The following RALGDS variants were observed in gnomAD, a reference collection of about 807,000 sequenced individuals.
RALGDS encodes the protein ral guanine nucleotide exchange factor.
A neutral mutation model predicts 99.8 loss-of-function variants in RALGDS; 44 were observed. That is an observed-to-expected ratio of 0.44 (90% CI 0.35 to 0.57). RALGDS has a LOEUF of 0.57. RALGDS is among the 20% of genes least tolerant of loss of function. The pLI, the probability that RALGDS is intolerant of heterozygous loss-of-function variation, is 0.01. For synonymous variants in RALGDS, 529 were observed against 505.0 expected, an observed-to-expected ratio of 1.05 and a Z score of -0.64; for missense variants, 1,022 against 1,203.1, an observed-to-expected ratio of 0.85 and a Z score of 2.23.
At chr9:133,105,534 CAG>C (rs1321247162) in intron 9 of RALGDS, among the ~76,000 whole-genome samples, 2 of 151,926 alleles carry the variant, frequency 1.3e-5, no homozygotes, top group Non-Finnish European at 2.9e-5. Flanking sequence ...GTAGAGCAGA[CAG>C]AGGTAGCGTC....
rs1831193497 is a variant in RALGDS at position 133,108,679 on chromosome 9, G to A, written c.772C>T (p.Pro258Ser). 6 of 1,613,452 alleles carry A rather than the reference G, an allele frequency of 3.7e-6. No homozygotes were observed. Among genetic ancestry groups the A allele is most frequent in the Non-Finnish European group, 5.1e-6 (6 of 1,179,968 alleles). The change falls in exon 5 of 18, where the codon CCT (proline) becomes TCT (serine). Residue 258 changes from proline to serine, a missense_variant. This residue lies in a region of RALGDS where 825 missense variants were observed against 994.5 expected (regional missense o/e 0.83). Coordinates refer to ENST00000372050, the MANE Select transcript of RALGDS (RefSeq NM_006266.4). The stretch of plus-strand genomic sequence containing the variant: ...CCACCCCAGTCCTCCTCACCCTCAG[G>A]CTCTGCCTCAATGGGTTCCGAGTGC... ...LEHSEPIEAE[P>S]EALSPVPALK...
chr9:133,142,401 G>A (rs1345801028), intron 1 of RALGDS, among the ~76,000 whole-genome samples: 1 of 152,152 alleles, frequency 6.6e-6, no homozygotes, highest in East Asian at 1.9e-4. Context: ...CCATCGGAAA[G>A]CCCATCGGAA....
chr9:133,136,968 C>T (rs1832437433), intron 1 of RALGDS, among the ~76,000 whole-genome samples: 1 of 151,362 alleles, frequency 6.6e-6, no homozygotes, highest in African/African-American at 2.4e-5. Flanking sequence ...GGCGTGGTGG[C>T]TTACGCCTGT....
At chr9:133,125,606 C>T (rs924470442), upstream of RALGDS, among the ~76,000 whole-genome samples, 5 of 152,062 alleles carry the variant, frequency 3.3e-5, no homozygotes, top group African/African-American at 9.7e-5. Flanking sequence ...CATGGTGACG[C>T]GTGCCTGTAA....
rs201926824 is a variant in RALGDS at position 133,112,011 on chromosome 9, G to A, written c.294+31C>T. The A allele has an allele frequency of 4.7e-4, 706 of 1,492,672 alleles. 4 individuals are homozygous for A. In the African/African-American group the frequency reaches 8.5e-3, roughly 18 times the overall value. The allele number at this position is 1,492,672 out of a possible 1,614,324, so 92.5% of individuals were successfully genotyped here. On this transcript the variant is annotated intron_variant, in intron 2 of 17. Coordinates refer to ENST00000372050, the MANE Select transcript of RALGDS (RefSeq NM_006266.4). ...AGTCCTGGGAGGGATCCCCAGCTGC[G>A]TCTCCCAGTGGAGACCCCGAGCGCA...
intron 1 of RALGDS, among the ~76,000 whole-genome samples, chr9:133,146,810 A>G (rs1355416405): frequency 6.6e-6 from 1 of 152,186 alleles, no homozygotes; most frequent in East Asian, 1.9e-4. Flanking sequence ...AGAGACCCAC[A>G]TGGCAGTGAA....
chr9:133,121,356 G>T, upstream of RALGDS: 2 of 425,790 alleles, frequency 4.7e-6, no homozygotes, highest in Non-Finnish European at 6.3e-6. Context: ...GCGTGCGCGC[G>T]CCCGCGGCCC....
chr9:133,125,832 G>A (rs753038906), upstream of RALGDS, among the ~76,000 whole-genome samples: 1 of 152,070 alleles, frequency 6.6e-6, no homozygotes, highest in Non-Finnish European at 1.5e-5. Context: ...TTCTGACCCC[G>A]GGCAGTGACT....
chr9:133,102,410 A>G (rs774592315), intron 14 of RALGDS, 66 bp downstream of exon 14: 21 of 1,519,254 alleles, frequency 1.4e-5, no homozygotes, highest in Non-Finnish European at 1.9e-5. Flanking sequence ...CCCTGAGCCC[A>G]GGCTCAGCCC....
At chr9:133,142,650 C>G (rs1236879901) in intron 1 of RALGDS, among the ~76,000 whole-genome samples, 1 of 152,204 alleles carries the variant, frequency 6.6e-6, no homozygotes, top group Non-Finnish European at 1.5e-5. Flanking sequence ...GGCCCACATA[C>G]CCCTGGCCCT....
upstream of RALGDS, among the ~76,000 whole-genome samples, chr9:133,124,115 C>T (rs536072567): frequency 1.7e-3 from 217 of 127,918 alleles, 11 homozygotes; most frequent in African/African-American, 5.9e-3. Flanking sequence ...CACAGACACA[C>T]ACATAGAGAC....
chr9:133,100,712 G>A, intron 16 of RALGDS: 1 of 1,225,438 alleles, frequency 8.2e-7, no homozygotes, highest in Admixed American at 3.5e-5. Flanking sequence ...GCATCACTGA[G>A]CCTGGGGAAC....
chr9:133,110,449 T>C lies in RALGDS; in HGVS notation c.335A>G (p.Lys112Arg). 1 of 1,613,452 alleles carries C rather than the reference T, an allele frequency of 6.2e-7. No homozygotes were observed. The highest frequency in any genetic ancestry group is 8.5e-7 in the Non-Finnish European group (1 of 1,179,920). Residue 112 changes from lysine to arginine, a missense_variant, in exon 3 of 18, where the codon AAG becomes AGG. Around this residue, in one of 3 missense-constraint regions of RALGDS, gnomAD observed 180 missense variants for 169.3 expected, o/e 1.06. Coordinates refer to ENST00000372050, the MANE Select transcript of RALGDS (RefSeq NM_006266.4). ...ESALNLYETC[K>R]VRTVKAGTLE... ...CGTGCCAGCCTTCACGGTCCGCACC[T>C]TGCAAGTCTCATAAAGGTTCAGGGC...
chr9:133,108,626 C>A (rs373293269), intron 5 of RALGDS, 47 bp downstream of exon 5: 1 of 1,605,200 alleles, frequency 6.2e-7, no homozygotes, highest in East Asian at 2.2e-5. Context: ...GGCCCAGCAC[C>A]GACCCCTCCT....
chr9:133,140,298 C>G (rs1475739211), intron 1 of RALGDS, among the ~76,000 whole-genome samples: 2 of 148,208 alleles, frequency 1.3e-5, no homozygotes, highest in Non-Finnish European at 3.0e-5. Context: ...ACACACACAT[C>G]TGGGATCAGG....
At chr9:133,107,878 G>C (rs1831150226) in intron 6 of RALGDS, 110 bp downstream of exon 6, 2 of 1,387,870 alleles carry the variant, frequency 1.4e-6, no homozygotes, top group African/African-American at 2.8e-5. Flanking sequence ...TAGCAGCAGA[G>C]CTGGGATTTG....
Position 133,143,783 on chromosome 9 carries a change from CAACAATAATAAT to C in RALGDS, c.18+5168_18+5179del, listed in dbSNP as rs763007571. Among the ~76,000 whole-genome samples, 278 of 109,402 alleles carry C rather than the reference CAACAATAATAAT, an allele frequency of 2.5e-3. 2 individuals are homozygous for C. The highest frequency in any genetic ancestry group is 4.3e-3 in the Middle Eastern group (1 of 232). The allele number at this position is 109,402 out of a possible 152,430, so 71.8% of individuals were successfully genotyped here. Reference sequence around the variant, plus strand: ...ATAATAATAATAATAACAACAACAACAACAATAATAATAATAATAATAATAATAATAATAATA... The same window carrying C: ...ATAATAATAATAATAACAACAACAACAATAATAATAATAATAATAATAATA... On this transcript the variant is annotated intron_variant, in intron 1 of 17. Transcript: ENST00000393160.
intron 16 of RALGDS, chr9:133,101,173 G>C (rs1389334245): frequency 8.3e-7 from 1 of 1,201,702 alleles, no homozygotes; most frequent in African/African-American, 1.6e-5. Context: ...ACACCAGACA[G>C]AGAAGCCAGC....
chr9:133,129,828 TTC>T (rs549781881), intron 1 of RALGDS, among the ~76,000 whole-genome samples: 38,992 of 145,892 alleles, frequency 0.27, 5,809 homozygotes, highest in East Asian at 0.52. Flanking sequence ...TTTTTTTTTT[TTC>T]CCTGAGATGG....
Sources: gnomAD v4.1 joint callset for allele counts (sites outside exome capture counted in the v4.1 genomes callset) on GRCh38, gnomAD v4.1.1 for gene constraint, gnomAD v4.1.1 regional missense constraint, MANE v1.5 for transcripts, NCBI Gene and HGNC (gene_info 2026-07-23, HGNC 2026-07-21) for gene names.